The following SPATA3 variants were observed in gnomAD, a reference collection of about 807,000 sequenced individuals.
SPATA3 encodes the protein spermatogenesis-associated protein 3.
In SPATA3, 6 loss-of-function variants were observed where a neutral mutation model predicts 5.7. That is an observed-to-expected ratio of 1.06 (90% CI 0.58 to 2.09). The LOEUF (loss-of-function observed/expected upper bound fraction) is 2.09, where lower values mean the gene tolerates loss of function less well. Among genes scored for constraint, SPATA3 ranks in the 30% most tolerant of loss-of-function variants. The probability of loss-of-function intolerance (pLI) is 0.00; values close to 1 mark genes in which losing one functional copy is unlikely to be tolerated. For missense variants in SPATA3, 155 were observed against 130.4 expected (o/e 1.19, Z -0.92); for synonymous variants, 44 against 48.4 (o/e 0.91, Z 0.37).
intron 6 of SPATA3, among the ~76,000 whole-genome samples, chr2:231,016,506 C>CAAAAAAAAA (rs749712082): frequency 1.4e-5 from 1 of 70,064 alleles, no homozygotes. Context: ...CCTGTCTCTA[C>CAAAAAAAAA]AAAAAAAAAA....
chr2:231,003,863 GTAGGGTTA>G (rs1692443741), downstream of SPATA3, among the ~76,000 whole-genome samples: 3 of 152,164 alleles, frequency 2.0e-5, no homozygotes, highest in South Asian at 6.2e-4. Context: ...AACCTACCTT[GTAGGGTTA>G]TTGTGAGGCT....
At chr2:231,015,631 C>T (rs985019932) in intron 6 of SPATA3, among the ~76,000 whole-genome samples, 1 of 152,216 alleles carries the variant, frequency 6.6e-6, no homozygotes, top group Non-Finnish European at 1.5e-5. Context: ...CCCTGGAAAC[C>T]TCCAGAGGAG....
chr2:231,005,535 TCAC>T (rs1692584637), downstream of SPATA3, among the ~76,000 whole-genome samples: 3 of 69,522 alleles, frequency 4.3e-5, no homozygotes, highest in Admixed American at 1.4e-4. Flanking sequence ...ACCACCATCA[TCAC>T]CACCATCATC....
At chr2:231,007,836 G>C (rs2125115811), downstream of SPATA3, among the ~76,000 whole-genome samples, 1 of 152,248 alleles carries the variant, frequency 6.6e-6, no homozygotes, top group South Asian at 2.1e-4. Flanking sequence ...ACACCAATAG[G>C]GGAGAGGAGT....
chr2:231,004,624 T>G (rs1230836117), downstream of SPATA3, among the ~76,000 whole-genome samples: 2 of 152,114 alleles, frequency 1.3e-5, no homozygotes, highest in Non-Finnish European at 2.9e-5. Context: ...ACATGACAAA[T>G]GCACCCGAGT....
chr2:231,000,151 C>A (rs1692289536), intron 1 of SPATA3, among the ~76,000 whole-genome samples: 1 of 152,176 alleles, frequency 6.6e-6, no homozygotes, highest in Non-Finnish European at 1.5e-5. Context: ...GTCTTCTCTT[C>A]TGTTTGGTTA....
At chr2:231,002,693 A>G in exon 3 of SPATA3, 1 of 1,512,830 alleles carries the variant, frequency 6.6e-7, no homozygotes, top group Non-Finnish European at 8.9e-7. Flanking sequence ...GAAAATCTTC[A>G]AGAAAACCCT....
chr2:231,002,626 C>T (rs570034465), intron 2 of SPATA3, 58 bp from the exon 3 acceptor site: 20 of 1,091,214 alleles, frequency 1.8e-5, no homozygotes, highest in African/African-American at 1.5e-4. Context: ...TTCTCCTGTT[C>T]GTAGAGAGGC....
intron 2 of SPATA3, among the ~76,000 whole-genome samples, chr2:231,001,004 A>G (rs1025919889): frequency 2.0e-5 from 3 of 152,196 alleles, no homozygotes; most frequent in Non-Finnish European, 4.4e-5. Context: ...ATAAAAAACT[A>G]CTTGTAACTC....
At chr2:230,996,221 G>T in intron 1 of SPATA3, 2 of 1,546,858 alleles carry the variant, frequency 1.3e-6, no homozygotes. Flanking sequence ...CGTTTAGGTT[G>T]GGAGGATCTA....
chr2:231,010,834 AAGGC>A (rs1692761748), downstream of SPATA3, among the ~76,000 whole-genome samples: 1 of 151,838 alleles, frequency 6.6e-6, no homozygotes, highest in African/African-American at 2.4e-5. Flanking sequence ...TTGGGAGGCC[AAGGC>A]AGGCAGATGA....
chr2:231,007,450 C>T (rs1277560258), downstream of SPATA3, among the ~76,000 whole-genome samples: 1 of 152,138 alleles, frequency 6.6e-6, no homozygotes, highest in Non-Finnish European at 1.5e-5. Context: ...GAGCAGCTTT[C>T]TCTGCACACA....
chr2:230,998,176 A>G (rs1412235542), intron 1 of SPATA3, among the ~76,000 whole-genome samples: 4 of 152,210 alleles, frequency 2.6e-5, no homozygotes, highest in Non-Finnish European at 5.9e-5. Flanking sequence ...TCCCTGGGCC[A>G]CAGTTTACCC....
At chr2:231,018,520 T>A (rs1692989195) in intron 6 of SPATA3, among the ~76,000 whole-genome samples, 1 of 152,162 alleles carries the variant, frequency 6.6e-6, no homozygotes, top group South Asian at 2.1e-4. Context: ...ATGCACATGT[T>A]CTTGTTAATA....
intron 6 of SPATA3, among the ~76,000 whole-genome samples, chr2:231,019,412 C>CTTCTAAAATTGGGAAATCCAAGGCTCAG (rs1553553188): frequency 6.6e-5 from 10 of 150,480 alleles, no homozygotes; most frequent in South Asian, 2.1e-4. Flanking sequence ...CAAGCTCCGC[C>CTTCTAAAATTGGGAAATCCAAGGCTCAG]TCCCGGGTTC....
At chr2:231,011,895 C>T (rs1223865018), downstream of SPATA3, among the ~76,000 whole-genome samples, 1 of 152,150 alleles carries the variant, frequency 6.6e-6, no homozygotes, top group African/African-American at 2.4e-5. Context: ...CCCCAGGCAG[C>T]TCCCCCTCTG....
At chr2:231,008,277 C>T (rs1200119283), downstream of SPATA3, among the ~76,000 whole-genome samples, 1 of 152,174 alleles carries the variant, frequency 6.6e-6, no homozygotes, top group Non-Finnish European at 1.5e-5. Flanking sequence ...GAGAGGAAGC[C>T]CCCAGGCAAA....
chr2:230,999,335 A>G (rs528492480), intron 1 of SPATA3, among the ~76,000 whole-genome samples: 1 of 152,292 alleles, frequency 6.6e-6, no homozygotes, highest in Middle Eastern at 3.4e-3. Flanking sequence ...TTGTGAATAT[A>G]CTAAAAACCA....
intron 6 of SPATA3, among the ~76,000 whole-genome samples, chr2:231,018,506 C>G (rs564613066): frequency 1.3e-5 from 2 of 151,590 alleles, no homozygotes; most frequent in Non-Finnish European, 2.9e-5. Context: ...TTTGTGTGGT[C>G]CCTATGCACA....
Sources: gnomAD v4.1 joint callset for allele counts (sites outside exome capture counted in the v4.1 genomes callset) on GRCh38, gnomAD v4.1.1 for gene constraint, MANE v1.5 for transcripts, NCBI Gene and HGNC (gene_info 2026-07-23, HGNC 2026-07-21) for gene names.